ZPBP: variants seen among roughly 807,000 people sequenced by gnomAD.
ZPBP encodes zona pellucida binding protein.
Under a neutral mutation model 44.8 loss-of-function variants are expected in ZPBP, and 26 were observed. That is an observed-to-expected ratio of 0.58 (90% CI 0.43 to 0.81). The LOEUF is 0.81. ZPBP is among the 30% of genes least tolerant of loss of function. The pLI, the probability that ZPBP is intolerant of heterozygous loss-of-function variation, is 0.00. For synonymous variants in ZPBP, 174 were observed against 153.2 expected (o/e 1.14, Z -1.00); for missense variants, 409 against 434.0 (o/e 0.94, Z 0.51).
intron 7 of ZPBP, among the ~76,000 whole-genome samples, chr7:49,962,699 G>T (rs903849867): frequency 1.3e-5 from 2 of 151,826 alleles, no homozygotes; most frequent in Non-Finnish European, 3.0e-5. Flanking sequence ...CTTTATTCTT[G>T]TGGAATATGA....
intron 5 of ZPBP, 26 bp from the exon 6 acceptor site, chr7:50,018,342 ATGG>A: frequency 6.9e-7 from 1 of 1,456,164 alleles, no homozygotes; most frequent in Non-Finnish European, 9.6e-7. Context: ...ATATTTTATC[ATGG>A]GTATAATGTA....
chr7:49,848,694 T>A (rs368479934), downstream of ZPBP, among the ~76,000 whole-genome samples: 236 of 152,380 alleles, frequency 1.5e-3, 3 homozygotes, highest in African/African-American at 5.4e-3. Context: ...ACCTTATATG[T>A]TCAAAGGCAA....
intron 6 of ZPBP, among the ~76,000 whole-genome samples, chr7:50,004,590 C>A (rs1266987907): frequency 6.6e-6 from 1 of 151,976 alleles, no homozygotes; most frequent in African/African-American, 2.4e-5. Context: ...ATACAATCTA[C>A]AAATAGACAG....
chr7:50,028,378 C>A (rs1225471422), intron 5 of ZPBP, among the ~76,000 whole-genome samples: 1 of 151,948 alleles, frequency 6.6e-6, no homozygotes, highest in Non-Finnish European at 1.5e-5. Flanking sequence ...AAGTATCATA[C>A]TCAACAGTGA....
intron 5 of ZPBP, among the ~76,000 whole-genome samples, chr7:50,030,652 GATAAAT>G (rs1003956113): frequency 2.6e-4 from 39 of 150,626 alleles, no homozygotes; most frequent in Non-Finnish European, 5.0e-4. Context: ...TAAATATAAA[GATAAAT>G]ATAAAGATAT....
At chr7:49,947,192 A>C (rs1027888255) in intron 7 of ZPBP, among the ~76,000 whole-genome samples, 1 of 152,108 alleles carries the variant, frequency 6.6e-6, no homozygotes, top group Non-Finnish European at 1.5e-5. Flanking sequence ...AAGATTGATC[A>C]CCGGTGCCCT....
chr7:50,031,064 G>A, intron 5 of ZPBP, 28 bp downstream of exon 5: 1 of 1,598,728 alleles, frequency 6.3e-7, no homozygotes, highest in South Asian at 1.1e-5. Flanking sequence ...TTCTCCATTT[G>A]CTTTTCTAAC....
At chr7:50,090,599 A>G (rs987963432) in intron 1 of ZPBP, among the ~76,000 whole-genome samples, 1 of 115,374 alleles carries the variant, frequency 8.7e-6, no homozygotes, top group African/African-American at 3.5e-5. Context: ...ATATGCGTAT[A>G]TATGCGTATA....
intron 6 of ZPBP, among the ~76,000 whole-genome samples, chr7:49,994,813 A>C (rs1797744074): frequency 6.6e-6 from 1 of 152,210 alleles, no homozygotes; most frequent in African/African-American, 2.4e-5. Flanking sequence ...AAGCTTGTAC[A>C]ACAGCCTAGA....
intron 7 of ZPBP, among the ~76,000 whole-genome samples, chr7:49,963,782 G>T (rs1289264859): frequency 6.6e-6 from 1 of 151,766 alleles, no homozygotes; most frequent in Non-Finnish European, 1.5e-5. Flanking sequence ...TGATTTCATT[G>T]GTGAATTCAA....
At chr7:49,870,690 A>G (rs1791112805) in intron 2 of ZPBP, among the ~76,000 whole-genome samples, 1 of 152,226 alleles carries the variant, frequency 6.6e-6, no homozygotes, top group Admixed American at 6.5e-5. Context: ...GAGTTGGGAA[A>G]CCATGACGTT....
At chr7:50,040,654 C>T (rs1050209776) in intron 4 of ZPBP, among the ~76,000 whole-genome samples, 4 of 152,200 alleles carry the variant, frequency 2.6e-5, no homozygotes, top group Non-Finnish European at 5.9e-5. Flanking sequence ...ACAGTCTTCG[C>T]AACCTGCAGA....
rs1014592521 is a variant in ZPBP, at chr7:49,983,351, C to G, written c.952G>C (p.Glu318Gln). The G allele has an allele frequency of 6.2e-7, 1 of 1,613,338 alleles. No individual in the cohort carries two copies. Among genetic ancestry groups the G allele is most frequent in the African/African-American group, 1.3e-5 (1 of 74,998 alleles). The change falls in exon 7 of 8, where the codon GAG (glutamate) becomes CAG (glutamine). Residue 318 changes from glutamate (E) to glutamine (Q), a missense_variant. By Grantham distance (29) the Glu-to-Gln change is conservative (BLOSUM62 2). Coordinates refer to ENST00000046087, the MANE Select transcript of ZPBP (RefSeq NM_007009.3). ...MNVQQHPKCP[E>Q]CCVICSPGSY... The stretch of plus-strand genomic sequence containing the variant: ...ATAATTCATTACATACCACAGCACT[C>G]AGGACATTTTGGATGTTGCTGGACA...
At chr7:49,933,955 T>G (rs1794542426), downstream of ZPBP, among the ~76,000 whole-genome samples, 1 of 150,858 alleles carries the variant, frequency 6.6e-6, no homozygotes, top group African/African-American at 2.4e-5. Context: ...TAATATTAAA[T>G]GACGAGTTAA....
chr7:49,952,041 T>C (rs1403424118), intron 7 of ZPBP, among the ~76,000 whole-genome samples: 1 of 151,814 alleles, frequency 6.6e-6, no homozygotes, highest in African/African-American at 2.4e-5. Flanking sequence ...GAAAGCATAG[T>C]GATAGTTGCC....
intron 4 of ZPBP, among the ~76,000 whole-genome samples, chr7:50,033,678 G>GTTAGTTTGTTTATTTA (rs1799700118): frequency 6.7e-6 from 1 of 148,714 alleles, no homozygotes; most frequent in Admixed American, 6.7e-5. Context: ...TCTTTCTACA[G>GTTAGTTTGTTTATTTA]TTTATTTATT....
chr7:49,908,979 C>T (rs1258557510), intron 1 of ZPBP, among the ~76,000 whole-genome samples: 1 of 152,208 alleles, frequency 6.6e-6, no homozygotes, highest in Non-Finnish European at 1.5e-5. Context: ...GTTGCCCTGA[C>T]ATAGAAAGAT....
In ZPBP at chr7:50,046,176, C is replaced by A. The variant is rs558027203; in HGVS notation, c.487+11813G>T. 1.5e-4 allele frequency among the ~76,000 whole-genome samples: 23 copies of A among 152,228 alleles called. 1 individual carries two copies. The South Asian group carries it at 3.5e-3, about 23-fold the overall frequency. ...ATGGATTAAAGACTTAAAGGTAAGA[C>A]CTAAAACCATAAAAATCCTAGAAGA... is the stretch of plus-strand genomic sequence containing the variant. On this transcript the variant is annotated intron_variant, in intron 4 of 7. Coordinates refer to ENST00000046087, the MANE Select transcript of ZPBP (RefSeq NM_007009.3).
rs569236346 is a variant in ZPBP at position 50,081,700 on chromosome 7, T to C, written c.334+74A>G. On this transcript the variant is annotated intron_variant, in intron 3 of 7. Coordinates refer to ENST00000046087, the MANE Select transcript of ZPBP (RefSeq NM_007009.3). ...GGAAATAACATAAATATGTATGAGA[T>C]ACAAACATTCTTTTTGTGTTGCACA... The C allele has an allele frequency of 1.9e-5, 30 of 1,538,898 alleles. No individual in the cohort carries two copies. In the East Asian group the frequency reaches 5.2e-4, roughly 27 times the overall value.
Sources: gnomAD v4.1 joint callset for allele counts (sites outside exome capture counted in the v4.1 genomes callset) on GRCh38, gnomAD v4.1.1 for gene constraint, MANE v1.5 for transcripts, NCBI Gene and HGNC (gene_info 2026-07-23, HGNC 2026-07-21) for gene names.